The following DNAH6 variants were observed in gnomAD, a reference collection of about 807,000 sequenced individuals.
The protein encoded by DNAH6 is axonemal beta dynein heavy chain 6.
A neutral mutation model predicts 491.4 loss-of-function variants in DNAH6; 340 were observed. The observed-to-expected ratio is 0.69, with a 90% CI of 0.63 to 0.76. The LOEUF (loss-of-function observed/expected upper bound fraction) is 0.76, where lower values mean the gene tolerates loss of function less well. Ranked by LOEUF, DNAH6 falls within the 30% of genes least tolerant of loss-of-function variation. DNAH6 has a pLI of 0.00. For missense variants in DNAH6, 4,443 were observed against 4,972.2 expected (o/e 0.89, Z 3.20); for synonymous variants, 1,603 against 1,686.1 (o/e 0.95, Z 1.21).
chr2:84,809,096 CA>C (rs1275541762), intron 72 of DNAH6, among the ~76,000 whole-genome samples: 4 of 152,320 alleles, frequency 2.6e-5, no homozygotes. Context: ...AATTTGCAAA[CA>C]CCTGTTTGAT....
intron 63 of DNAH6, among the ~76,000 whole-genome samples, chr2:84,754,341 G>C (rs1027263310): frequency 6.6e-6 from 1 of 151,914 alleles, no homozygotes; most frequent in African/African-American, 2.4e-5. Flanking sequence ...CACCACACCT[G>C]GCTAATCTTT....
At chr2:84,682,941 C>T (rs1165111568) in intron 42 of DNAH6, among the ~76,000 whole-genome samples, 2 of 152,250 alleles carry the variant, frequency 1.3e-5, no homozygotes, top group African/African-American at 2.4e-5. Flanking sequence ...GATCTGGATC[C>T]GGGCTCCCTC....
rs748794043 is a variant in DNAH6, at chr2:84,715,564, G to C, written c.9548G>C (p.Cys3183Ser). ...MPNPHYLPEV[C>S]IKVTIINFTV... ...CACTCTGTGCTTCTCTTCCAGGTAT[G>C]CATTAAAGTTACCATTATCAATTTC... Residue 3183 changes from cysteine to serine, a missense_variant, in exon 58 of 77, where the codon TGC (cysteine) becomes TCC (serine). Physicochemically the swap from Cys to Ser is moderately radical, Grantham distance 112 (BLOSUM62 -1). This residue lies in a region of DNAH6 where 1,463 missense variants were observed against 1,656.6 expected (regional missense o/e 0.88). Coordinates refer to ENST00000389394, the MANE Select transcript of DNAH6 (RefSeq NM_001370.2). 3 of 1,551,386 alleles carry C rather than the reference G, an allele frequency of 1.9e-6. No individual in the cohort carries two copies. In the South Asian group the frequency reaches 3.6e-5, roughly 18 times the overall value.
chr2:84,548,335 G>C lies in DNAH6; in HGVS notation c.1234G>C (p.Glu412Gln). The change falls in exon 8 of 77, where the codon GAG becomes CAG. Residue 412 changes from glutamate to glutamine, a missense_variant. Coordinates refer to ENST00000389394, the MANE Select transcript of DNAH6 (RefSeq NM_001370.2). Reference sequence around the variant, plus strand: ...TGGAAGTTTCATTAATACACCACATGAGTTGCCCACTTATGGAGACTCTGA... The same window carrying C: ...TGGAAGTTTCATTAATACACCACATCAGTTGCCCACTTATGGAGACTCTGA... ...SSGSFINTPH[E>Q]LPTYGDSEKM... The C allele has an allele frequency of 6.2e-7, 1 of 1,613,748 alleles. No homozygotes were observed.
the DNAH6 span, among the ~76,000 whole-genome samples, chr2:84,494,368 G>T: frequency 2.0e-5 from 3 of 152,124 alleles, no homozygotes; most frequent in Non-Finnish European, 4.4e-5. Flanking sequence ...GAAGCAAAAA[G>T]GAGACATTAG....
At chr2:84,586,273 C>T (rs938355871) in intron 15 of DNAH6, among the ~76,000 whole-genome samples, 2 of 152,246 alleles carry the variant, frequency 1.3e-5, no homozygotes, top group African/African-American at 4.8e-5. Context: ...AGGGGCAAAG[C>T]TCCCACTTGT....
intron 56 of DNAH6, among the ~76,000 whole-genome samples, chr2:84,711,063 CAGAG>C (rs1014114941): frequency 2.0e-5 from 3 of 151,726 alleles, no homozygotes; most frequent in African/African-American, 7.3e-5. Context: ...AGACAGTAAA[CAGAG>C]AAAGAAAGAG....
intron 21 of DNAH6, among the ~76,000 whole-genome samples, chr2:84,608,209 T>C (rs997797827): frequency 6.6e-6 from 1 of 152,228 alleles, no homozygotes; most frequent in East Asian, 1.9e-4. Flanking sequence ...ATATCTGCAG[T>C]TATTTCCTCC....
the DNAH6 span, among the ~76,000 whole-genome samples, chr2:84,479,786 G>T: frequency 6.6e-6 from 1 of 152,232 alleles, no homozygotes; most frequent in Non-Finnish European, 1.5e-5. Flanking sequence ...CTCCAAGGTA[G>T]AAGAGAATAA....
intron 45 of DNAH6, among the ~76,000 whole-genome samples, chr2:84,691,781 A>C (rs1332791980): frequency 6.6e-6 from 1 of 152,226 alleles, no homozygotes; most frequent in Non-Finnish European, 1.5e-5. Context: ...ACTCTTTAAA[A>C]ATTTTTTTCA....
At chr2:84,736,546 G>A (rs1004856172) in intron 62 of DNAH6, among the ~76,000 whole-genome samples, 4 of 151,970 alleles carry the variant, frequency 2.6e-5, no homozygotes, top group African/African-American at 9.7e-5. Context: ...CTCTTATAGA[G>A]ATTTTTCACT....
At position 84,662,939 on chromosome 2, in the gene DNAH6, G is replaced by A. The variant is rs184609442; in HGVS notation, c.6084+3770G>A. ...GAAGGATCAGGCAGCAATATTTGCT[G>A]TTCTGCAGCCTCTGCTGGTGATACC... On this transcript the variant is annotated intron_variant, in intron 37 of 76. Coordinates refer to ENST00000389394, the MANE Select transcript of DNAH6 (RefSeq NM_001370.2). Among the ~76,000 whole-genome samples the A allele has an allele frequency of 2.7e-3, 416 of 152,302 alleles. 1 individual carries two copies. Among genetic ancestry groups the A allele is most frequent in the Non-Finnish European group, 4.2e-3 (288 of 68,016 alleles).
At chr2:84,711,315 G>A (rs1401752065) in intron 56 of DNAH6, among the ~76,000 whole-genome samples, 1 of 152,174 alleles carries the variant, frequency 6.6e-6, no homozygotes, top group Admixed American at 6.5e-5. Flanking sequence ...AAAAGAGATT[G>A]GTTAATGATC....
intron 59 of DNAH6, among the ~76,000 whole-genome samples, chr2:84,721,296 T>G (rs911835584): frequency 6.6e-6 from 1 of 152,114 alleles, no homozygotes; most frequent in Non-Finnish European, 1.5e-5. Context: ...TTTAGTTGAG[T>G]CCCATATTAA....
chr2:84,814,203 C>T (rs1266928676), intron 75 of DNAH6, 81 bp downstream of exon 75: 2 of 1,403,292 alleles, frequency 1.4e-6, no homozygotes, highest in African/African-American at 1.4e-5. Context: ...CCATGCCCCA[C>T]TCCCCCACCA....
rs768980480 is a variant in DNAH6 at position 84,557,798 on chromosome 2, C to A, written c.1666C>A (p.Pro556Thr). 3 of 1,612,104 alleles carry A rather than the reference C, an allele frequency of 1.9e-6. No individual in the cohort carries two copies. The African/African-American group carries it at 4.0e-5, about 22-fold the overall frequency. Residue 556 changes from proline to threonine, a missense_variant, in exon 11 of 77, where the codon CCT (proline) becomes ACT (threonine). Physicochemically the swap from Pro to Thr is conservative, Grantham distance 38. This residue lies in a region of DNAH6 where 2,977 missense variants were observed against 3,296.6 expected (regional missense o/e 0.90). Coordinates refer to ENST00000389394, the MANE Select transcript of DNAH6 (RefSeq NM_001370.2). ...TGTGTTATCAGTTCCTAATCTCGTGCCTGATTCGTATTTTGATGCTTTCAC... is the reference window on the plus strand; with the variant it reads ...TGTGTTATCAGTTCCTAATCTCGTGACTGATTCGTATTTTGATGCTTTCAC... ...NTVLSVPNLVPDSYFDAFTSP... is the reference protein window; with the variant it reads ...NTVLSVPNLVTDSYFDAFTSP...
At chr2:84,602,285 C>G in intron 18 of DNAH6, among the ~76,000 whole-genome samples, 1 of 151,860 alleles carries the variant, frequency 6.6e-6, no homozygotes, top group South Asian at 2.1e-4. Context: ...CGATTAATTT[C>G]CTCGGTTTTT....
intron 63 of DNAH6, among the ~76,000 whole-genome samples, chr2:84,754,973 T>C (rs558108580): frequency 1.3e-5 from 2 of 152,368 alleles, no homozygotes; most frequent in South Asian, 4.1e-4. Flanking sequence ...CAATATTTCA[T>C]AGTTCTCAGA....
intron 21 of DNAH6, among the ~76,000 whole-genome samples, chr2:84,610,056 G>A (rs1301138390): frequency 6.6e-6 from 1 of 152,074 alleles, no homozygotes; most frequent in Non-Finnish European, 1.5e-5. Flanking sequence ...AGCCAGACTG[G>A]GTTCTCATCA....
Sources: gnomAD v4.1 joint callset for allele counts (sites outside exome capture counted in the v4.1 genomes callset) on GRCh38, gnomAD v4.1.1 for gene constraint, gnomAD v4.1.1 regional missense constraint, MANE v1.5 for transcripts, NCBI Gene and HGNC (gene_info 2026-07-23, HGNC 2026-07-21) for gene names.